Variants in LSS observed in about 807,000 individuals in gnomAD.
LSS encodes the protein 2,3-epoxysqualene-lanosterol cyclase.
In LSS, 90 loss-of-function variants were observed where a neutral mutation model predicts 110.3. That is an observed-to-expected ratio of 0.82 (90% CI 0.69 to 0.97). The LOEUF (loss-of-function observed/expected upper bound fraction) is 0.97, where lower values mean the gene tolerates loss of function less well. LSS is among the 50% of genes least tolerant of loss of function. The pLI, the probability that LSS is intolerant of heterozygous loss-of-function variation, is 0.00. For missense variants in LSS, 927 were observed against 990.0 expected (o/e 0.94, Z 0.85); for synonymous variants, 433 against 400.0 (o/e 1.08, Z -0.98).
chr21:46,224,454 CAG>C (rs2080313443), intron 3 of LSS, among the ~76,000 whole-genome samples: 3 of 152,146 alleles, frequency 2.0e-5, no homozygotes, highest in Admixed American at 2.0e-4. Context: ...TCGCCGCACA[CAG>C]GGAGAGACCC....
intron 13 of LSS, 74 bp from the exon 14 acceptor site, chr21:46,208,375 G>A (rs965162556): frequency 2.3e-6 from 3 of 1,291,806 alleles, no homozygotes; most frequent in Non-Finnish European, 1.1e-6. Flanking sequence ...GGACATCGCT[G>A]AGACAGACTG....
In LSS at chr21:46,228,478, G is replaced by C. The variant is rs888329184; in HGVS notation, c.136C>G (p.Arg46Gly). 2 of 1,603,458 alleles carry C rather than the reference G, an allele frequency of 1.2e-6. No homozygotes were observed. The highest frequency in any genetic ancestry group is 1.7e-6 in the Non-Finnish European group (2 of 1,179,586). The change falls in exon 2 of 22, where the codon CGC becomes GGC. Residue 46 changes from arginine to glycine, a missense_variant. By Grantham distance (125) the Arg-to-Gly change is moderately radical. Transcript: ENST00000397728. ...TAGGCTTCCAGGCCGGTCTGCTCGC[G>C]GCCGGCGCGCTCGTCCTGCAGGTAG... is the stretch of plus-strand genomic sequence containing the variant. ...WTYLQDERAG[R>G]EQTGLEAYAL...
At chr21:46,202,813 A>G (rs55689527) in intron 17 of LSS, among the ~76,000 whole-genome samples, 65,942 of 151,980 alleles carry the variant, frequency 0.43, 14,519 homozygotes, top group African/African-American at 0.48. Flanking sequence ...GAAGTTTGAG[A>G]CTGTGGTGAG....
rs963673425 is a variant in LSS, at chr21:46,188,508, G to A, written c.*2596C>T. 13 of 389,672 alleles carry A rather than the reference G, an allele frequency of 3.3e-5. No individual in the cohort carries two copies. The highest frequency in any genetic ancestry group is 5.5e-5 in the South Asian group (3 of 54,922). 24.1% of individuals were successfully genotyped at this position (389,672 alleles called of 1,614,324 possible). On this transcript the variant is annotated 3_prime_UTR_variant, in exon 22 of 22. Transcript: ENST00000397728. Reference sequence around the variant, plus strand: ...ATCCCCCTCAGACAGAGGCTGCACCGGTACAGCTGCCATCTCCTCTTGGTG... The same window carrying A: ...ATCCCCCTCAGACAGAGGCTGCACCAGTACAGCTGCCATCTCCTCTTGGTG...
At chr21:46,202,270 T>C (rs1189494341) in intron 17 of LSS, among the ~76,000 whole-genome samples, 3 of 142,964 alleles carry the variant, frequency 2.1e-5, no homozygotes, top group South Asian at 2.2e-4. Context: ...GGCGGGCGCC[T>C]GTAGTCCCAG....
chr21:46,212,495 C>T (rs1369135586), intron 11 of LSS, among the ~76,000 whole-genome samples: 2 of 152,214 alleles, frequency 1.3e-5, no homozygotes, highest in African/African-American at 4.8e-5. Context: ...CAGGACAGGA[C>T]CAGGGTCAGC....
At chr21:46,194,194 C>T (rs1436628941) in intron 20 of LSS, among the ~76,000 whole-genome samples, 1 of 152,208 alleles carries the variant, frequency 6.6e-6, no homozygotes. Context: ...CAGCCCACCT[C>T]GCTGTTTCCA....
chr21:46,214,455 G>C (rs952699357), intron 9 of LSS, among the ~76,000 whole-genome samples: 1 of 152,238 alleles, frequency 6.6e-6, no homozygotes, highest in Non-Finnish European at 1.5e-5. Context: ...GTGATCCACT[G>C]AGGTGGCATG....
chr21:46,215,130 G>T (rs199742009), intron 9 of LSS, 50 bp downstream of exon 9: 2 of 1,506,492 alleles, frequency 1.3e-6, no homozygotes, highest in Admixed American at 1.7e-5. Context: ...CTTCACTTTC[G>T]GACCTCAACC....
At chr21:46,199,999 T>C (rs1047458574) in intron 17 of LSS, among the ~76,000 whole-genome samples, 9 of 152,218 alleles carry the variant, frequency 5.9e-5, no homozygotes, top group Non-Finnish European at 2.9e-5. Context: ...ATGTTAGTAC[T>C]GGGGAAACTT....
chr21:46,215,610 T>G, intron 8 of LSS, 75 bp downstream of exon 8: 1 of 1,022,260 alleles, frequency 9.8e-7, no homozygotes, highest in Non-Finnish European at 1.4e-6. Flanking sequence ...TGGCAGGGGA[T>G]GAGTGCGTGA....
At chr21:46,213,956 C>G in intron 9 of LSS, 121 bp from the exon 10 acceptor site, 1 of 710,776 alleles carries the variant, frequency 1.4e-6, no homozygotes. Flanking sequence ...TCACTCAGGG[C>G]CAGGACAGGG....
At chr21:46,217,236 T>C (rs1287172199) in intron 6 of LSS, among the ~76,000 whole-genome samples, 2 of 125,836 alleles carry the variant, frequency 1.6e-5, no homozygotes, top group African/African-American at 3.1e-5. Context: ...AGCGAGAGAC[T>C]CTGTCTCAAA....
At position 46,188,688 on chromosome 21, in the gene LSS, C is replaced by G; in HGVS notation, c.*2416G>C. The G allele has an allele frequency of 2.1e-6, 1 of 470,906 alleles. No homozygotes were observed. Among genetic ancestry groups the G allele is most frequent in the South Asian group, 1.5e-5 (1 of 64,548 alleles). 29.2% of individuals were successfully genotyped at this position (470,906 alleles called of 1,614,324 possible). A position where few individuals can be genotyped will look rare whatever the true frequency, so the allele number is the denominator to read the frequency against. Reference sequence around the variant, plus strand: ...TTCGTGGAACAGGAAAAATACACTCCCTCTAAACAATGGATTGAACACAGA... The same window carrying G: ...TTCGTGGAACAGGAAAAATACACTCGCTCTAAACAATGGATTGAACACAGA... On this transcript the variant is annotated 3_prime_UTR_variant, in exon 22 of 22. Transcript: ENST00000397728.
In LSS at chr21:46,190,039, G is replaced by C; in HGVS notation, c.*1065C>G. The C allele has an allele frequency of 3.5e-6, 1 of 284,072 alleles. No individual in the cohort carries two copies. The highest frequency in any genetic ancestry group is 2.9e-5 in the South Asian group (1 of 34,358). 17.6% of individuals were successfully genotyped at this position (284,072 alleles called of 1,614,324 possible). On this transcript the variant is annotated 3_prime_UTR_variant, in exon 22 of 22. Transcript: ENST00000397728. This position sits in a 1 kb window ranked among gnomAD's most constrained non-coding sequence, Gnocchi z 4.6. ...AAAACCTGGCCCTCGCTCCAGCCCA[G>C]AGCACCCACCTGGGCATGAGACTGG...
chr21:46,221,670 G>T, intron 5 of LSS, 184 bp downstream of exon 5: 1 of 798,520 alleles, frequency 1.3e-6, no homozygotes, highest in Non-Finnish European at 1.9e-6. Flanking sequence ...CTCTTAATTT[G>T]CTTTTTTAAA....
intron 14 of LSS, 118 bp from the exon 15 acceptor site, chr21:46,207,695 A>T: frequency 8.2e-7 from 1 of 1,215,322 alleles, no homozygotes; most frequent in South Asian, 1.5e-5. Flanking sequence ...GCAGGGGCCC[A>T]GCCACCAAAG....
chr21:46,196,421 A>G (rs2079911051), intron 17 of LSS, 154 bp from the exon 18 acceptor site: 3 of 647,996 alleles, frequency 4.6e-6, no homozygotes, highest in East Asian at 2.8e-5. Flanking sequence ...AGGGTTTTAA[A>G]AAGAAGCAAC....
At position 46,189,514 on chromosome 21, in the gene LSS, G is replaced by C; in HGVS notation, c.*1590C>G. Reference sequence around the variant, plus strand: ...CTCTGAGCAGGCAGGCGAGTCCCAAGGAGAGTCAGTGACAGCACATGGGGC... The same window carrying C: ...CTCTGAGCAGGCAGGCGAGTCCCAACGAGAGTCAGTGACAGCACATGGGGC... On this transcript the variant is annotated 3_prime_UTR_variant, in exon 22 of 22. Transcript: ENST00000397728. 1 of 376,378 alleles carries C rather than the reference G, an allele frequency of 2.7e-6. No individual in the cohort carries two copies. The highest frequency in any genetic ancestry group is 5.3e-6 in the Non-Finnish European group (1 of 188,530). The allele number at this position is 376,378 out of a possible 1,614,324, so 23.3% of individuals were successfully genotyped here. A position where few individuals can be genotyped will look rare whatever the true frequency, so the allele number is the denominator to read the frequency against.
Sources: allele counts gnomAD v4.1 joint callset (sites outside exome capture counted in the v4.1 genomes callset), GRCh38; gene constraint gnomAD v4.1.1; non-coding constraint Gnocchi (gnomAD v3.1); transcripts MANE v1.5; gene names NCBI Gene and HGNC (gene_info 2026-07-23, HGNC 2026-07-21).